The following VEGFC variants were observed in gnomAD, a reference collection of about 807,000 sequenced individuals.
VEGFC encodes the protein vascular endothelial growth factor C, also known as FLT4 ligand DHM.
In VEGFC, 12 loss-of-function variants were observed where a neutral mutation model predicts 46.1. The ratio of observed to expected loss-of-function variants is 0.26; its 90% CI spans 0.17 to 0.42. VEGFC has a LOEUF of 0.42. Among genes scored for constraint, VEGFC ranks in the 10% least tolerant of loss-of-function variants. The pLI is 1.00. For synonymous variants in VEGFC, 232 were observed against 195.5 expected (o/e 1.19, Z -1.56); for missense variants, 488 against 529.4 (o/e 0.92, Z 0.77).
Position 176,792,366 on chromosome 4 carries a change from C to T in VEGFC, c.-55G>A, listed in dbSNP as rs1034940812. 30 of 1,333,354 alleles carry T rather than the reference C, an allele frequency of 2.2e-5. No homozygotes were observed. The highest frequency in any genetic ancestry group is 2.8e-5 in the Non-Finnish European group (29 of 1,023,770). 82.6% of individuals were successfully genotyped at this position (1,333,354 alleles called of 1,614,324 possible). ...CCGCTGGCGGGGGCAGGGGTGGGGG[C>T]GCGGGCGCCCCTGCGAGGCCGCGGG... On this transcript the variant is annotated 5_prime_UTR_variant, in exon 1 of 7. Transcript: ENST00000618562. The surrounding 1 kb of genome is among the most constrained non-coding windows in gnomAD (Gnocchi z 6.3).
intron 1 of VEGFC, among the ~76,000 whole-genome samples, chr4:176,775,841 C>T (rs1735805633): frequency 6.6e-6 from 1 of 151,994 alleles, no homozygotes; most frequent in Admixed American, 6.5e-5. Flanking sequence ...TTACCATTTC[C>T]CAAACAATCA....
intron 3 of VEGFC, among the ~76,000 whole-genome samples, chr4:176,726,226 T>C (rs897405738): frequency 6.6e-6 from 1 of 152,170 alleles, no homozygotes; most frequent in Non-Finnish European, 1.5e-5. Context: ...TGTACATTTT[T>C]CTGGTAAAGT....
chr4:176,747,366 A>T (rs552930337), intron 1 of VEGFC, among the ~76,000 whole-genome samples: 1 of 152,114 alleles, frequency 6.6e-6, no homozygotes, highest in Non-Finnish European at 1.5e-5. Flanking sequence ...AGGCAGAAAT[A>T]AATTAGATAA....
At chr4:176,704,159 G>C (rs930671280) in intron 4 of VEGFC, among the ~76,000 whole-genome samples, 3 of 151,898 alleles carry the variant, frequency 2.0e-5, no homozygotes, top group Non-Finnish European at 2.9e-5. Flanking sequence ...TTGTTATTCC[G>C]ATTGTTCTGA....
At chr4:176,781,513 T>TA (rs1735915356) in intron 1 of VEGFC, among the ~76,000 whole-genome samples, 1 of 152,222 alleles carries the variant, frequency 6.6e-6, no homozygotes, top group Non-Finnish European at 1.5e-5. Context: ...TCGCATCTGG[T>TA]ATCTGATATC....
intron 3 of VEGFC, among the ~76,000 whole-genome samples, chr4:176,716,383 C>A (rs1454022741): frequency 6.6e-6 from 1 of 151,696 alleles, no homozygotes; most frequent in African/African-American, 2.4e-5. Context: ...TCAAGACCAG[C>A]CGGCCCAACA....
Position 176,687,702 on chromosome 4 carries a change from A to AT in VEGFC, c.811+118dup, listed in dbSNP as rs1370962194. 1.0e-5 allele frequency: 10 copies of AT among 998,466 alleles called. No individual in the cohort carries two copies. The African/African-American group carries it at 1.5e-4, about 15-fold the overall frequency. 61.9% of individuals were successfully genotyped at this position (998,466 alleles called of 1,614,324 possible). On this transcript the variant is annotated intron_variant, in intron 5 of 6. Transcript: ENST00000618562. ...ACCAACGTGAAGTAGAAAATGTACT[A>AT]TTTTTTAGTCACTTATTTAGAAGAA...
intron 4 of VEGFC, among the ~76,000 whole-genome samples, chr4:176,688,903 T>C (rs562950861): frequency 6.6e-6 from 1 of 152,322 alleles, no homozygotes; most frequent in East Asian, 1.9e-4. Flanking sequence ...GAGGCTATCA[T>C]TTGAGATCAG....
chr4:176,687,955 A>G, intron 4 of VEGFC, 28 bp from the exon 5 acceptor site: 1 of 1,452,498 alleles, frequency 6.9e-7, no homozygotes. Context: ...GAGGTTTAGC[A>G]ATGGTGTAAC....
intron 1 of VEGFC, among the ~76,000 whole-genome samples, chr4:176,782,725 T>C (rs1256810654): frequency 6.6e-6 from 1 of 152,156 alleles, no homozygotes; most frequent in Non-Finnish European, 1.5e-5. Flanking sequence ...GAATGAATAA[T>C]ATAGTATTAT....
intron 1 of VEGFC, among the ~76,000 whole-genome samples, chr4:176,757,100 G>A (rs1735445562): frequency 2.0e-5 from 3 of 151,884 alleles, no homozygotes; most frequent in African/African-American, 2.4e-5. Context: ...AAATGTAGAC[G>A]GTAAAATGAG....
intron 1 of VEGFC, among the ~76,000 whole-genome samples, chr4:176,749,675 A>T (rs929021625): frequency 6.6e-6 from 1 of 151,890 alleles, no homozygotes; most frequent in Non-Finnish European, 1.5e-5. Flanking sequence ...AACATAAAAA[A>T]TAAAATCTTA....
intron 3 of VEGFC, among the ~76,000 whole-genome samples, chr4:176,719,131 G>A (rs1341835990): frequency 6.6e-6 from 1 of 152,058 alleles, no homozygotes; most frequent in Non-Finnish European, 1.5e-5. Flanking sequence ...CACACGCCCT[G>A]ATAACCTCCC....
At chr4:176,736,028 A>T (rs1455813975) in intron 1 of VEGFC, among the ~76,000 whole-genome samples, 1 of 151,894 alleles carries the variant, frequency 6.6e-6, no homozygotes, top group Non-Finnish European at 1.5e-5. Flanking sequence ...ATTACATGCT[A>T]GAAAAAAGAC....
In VEGFC at chr4:176,727,807, T is replaced by C. The variant is rs1425048804; in HGVS notation, c.523A>G (p.Asn175Asp). 2 of 1,613,618 alleles carry C rather than the reference T, an allele frequency of 1.2e-6. No homozygotes were observed. The highest frequency in any genetic ancestry group is 8.5e-7 in the Non-Finnish European group (1 of 1,179,756). ...CCNSEGLQCM[N>D]TSTSYLSKTL... ...TTGCTGAGGTAGCTCGTGCTGGTGT[T>C]CATGCACTGCAGCCCCTCACTATTG... The change falls in exon 3 of 7, where the codon AAC (asparagine) becomes GAC (aspartate). Residue 175 changes from asparagine (N) to aspartate (D), a missense_variant. By Grantham distance (23) the Asn-to-Asp change is conservative. Transcript: ENST00000618562.
In VEGFC at chr4:176,684,032, C is replaced by T; in HGVS notation, c.1154G>A (p.Arg385Lys). The T allele has an allele frequency of 6.2e-7, 1 of 1,613,758 alleles. No homozygotes were observed. Among genetic ancestry groups the T allele is most frequent in the Non-Finnish European group, 8.5e-7 (1 of 1,179,652 alleles). ...CTTCTGGCGGTTCGTACATGGCCGT[C>T]TGTAACAGCTAGGAGAACAAACAAG... ...KFHHQTCSCYRRPCTNRQKAC... is the reference protein window; with the variant it reads ...KFHHQTCSCYKRPCTNRQKAC... The change falls in exon 7 of 7, where the codon AGA becomes AAA. Residue 385 changes from arginine to lysine, a missense_variant. By Grantham distance (26) the Arg-to-Lys change is conservative (BLOSUM62 2). Transcript: ENST00000618562.
At chr4:176,739,701 T>A (rs1266189735) in intron 1 of VEGFC, among the ~76,000 whole-genome samples, 1 of 151,562 alleles carries the variant, frequency 6.6e-6, no homozygotes, top group African/African-American at 2.4e-5. Flanking sequence ...ATGGCACACA[T>A]TTACCTACGT....
intron 1 of VEGFC, among the ~76,000 whole-genome samples, chr4:176,735,280 TTTA>T (rs1735034998): frequency 1.3e-5 from 2 of 152,104 alleles, no homozygotes; most frequent in Non-Finnish European, 2.9e-5. Context: ...AATATTGTTC[TTTA>T]TCCAGCACTT....
At chr4:176,779,705 T>G (rs1735875210) in intron 1 of VEGFC, among the ~76,000 whole-genome samples, 2 of 149,164 alleles carry the variant, frequency 1.3e-5, no homozygotes, top group African/African-American at 4.9e-5. Context: ...GGAAGGGAAC[T>G]GCTAATGTCA....
Sources: allele counts gnomAD v4.1 joint callset (sites outside exome capture counted in the v4.1 genomes callset), GRCh38; gene constraint gnomAD v4.1.1; non-coding constraint Gnocchi (gnomAD v3.1); transcripts MANE v1.5; gene names NCBI Gene and HGNC (gene_info 2026-07-23, HGNC 2026-07-21).